Variants in GRK3 observed in about 807,000 individuals in gnomAD.
The protein encoded by GRK3 is G protein-coupled receptor kinase 3.
In GRK3, 54 loss-of-function variants were observed where a neutral mutation model predicts 95.7. That is an observed-to-expected ratio of 0.56 (90% confidence interval 0.45 to 0.71). The LOEUF (loss-of-function observed/expected upper bound fraction) is 0.71. GRK3 is among the 30% of genes least tolerant of loss of function. GRK3 has a pLI of 0.00. For synonymous variants in GRK3, 281 were observed against 290.8 expected (o/e 0.97, Z 0.34); for missense variants, 649 against 851.2 (o/e 0.76, Z 2.96).
chr22:25,704,176 A>C lies in GRK3; in HGVS notation c.1295A>C (p.Asp432Ala). 6.2e-7 allele frequency: 1 copy of C among 1,613,548 alleles called. No homozygotes were observed. The highest frequency in any genetic ancestry group is 1.1e-5 in the South Asian group (1 of 91,016). Reference protein sequence around the residue: ...KSLLEGLLQRDVSKRLGCHGG... With the variant: ...KSLLEGLLQRAVSKRLGCHGG... Reference sequence around the variant, plus strand: ...CTTTTGGAGGGCTTGCTTCAGCGAGACGTTAGCAAGCGGCTGGGCTGTCAC... The same window carrying C: ...CTTTTGGAGGGCTTGCTTCAGCGAGCCGTTAGCAAGCGGCTGGGCTGTCAC... The change falls in exon 15 of 21, where the codon GAC becomes GCC. Residue 432 changes from aspartate (D) to alanine (A), a missense_variant. Physicochemically the swap from Asp to Ala is moderately radical, Grantham distance 126. Coordinates refer to ENST00000324198, the MANE Select transcript of GRK3 (RefSeq NM_005160.4).
intron 3 of GRK3, 72 bp from the exon 4 acceptor site, chr22:25,661,504 C>T (rs2084909199): frequency 3.2e-6 from 3 of 942,662 alleles, no homozygotes; most frequent in Non-Finnish European, 4.9e-6. Context: ...TCTGCCTGGG[C>T]CAGTAATATA....
intron 1 of GRK3, among the ~76,000 whole-genome samples, chr22:25,595,392 G>A (rs770334478): frequency 6.6e-6 from 1 of 152,150 alleles, no homozygotes; most frequent in Non-Finnish European, 1.5e-5. Flanking sequence ...TTAAAATGCA[G>A]TCCCATTTAC....
intron 1 of GRK3, among the ~76,000 whole-genome samples, chr22:25,590,308 ATT>A (rs377002592): frequency 0.038 from 5,595 of 147,472 alleles, 201 homozygotes; most frequent in African/African-American, 0.087. Flanking sequence ...TCATTTCTCT[ATT>A]TTTTTTTTTA....
intron 1 of GRK3, among the ~76,000 whole-genome samples, chr22:25,595,257 C>T (rs1335526044): frequency 6.6e-6 from 1 of 151,816 alleles, no homozygotes; most frequent in Non-Finnish European, 1.5e-5. Context: ...CCGAGAAAAC[C>T]CTAAAGACTC....
intron 6 of GRK3, among the ~76,000 whole-genome samples, chr22:25,668,658 T>C (rs1008070404): frequency 2.8e-4 from 43 of 152,316 alleles, no homozygotes; most frequent in Admixed American, 1.2e-3. Context: ...AGCAGGAACT[T>C]TGCCAAAAAG....
intron 11 of GRK3, among the ~76,000 whole-genome samples, chr22:25,689,589 G>T (rs2085149087): frequency 6.6e-6 from 1 of 152,138 alleles, no homozygotes; most frequent in Non-Finnish European, 1.5e-5. Context: ...TAATCTTCAT[G>T]GATACATTTC....
At chr22:25,638,062 C>T (rs1407126679) in intron 2 of GRK3, among the ~76,000 whole-genome samples, 3 of 152,202 alleles carry the variant, frequency 2.0e-5, no homozygotes, top group Non-Finnish European at 4.4e-5. Flanking sequence ...ATCACACATC[C>T]ACCCCTTGTC....
intron 1 of GRK3, among the ~76,000 whole-genome samples, chr22:25,600,059 A>G (rs1368667516): frequency 6.6e-6 from 1 of 152,062 alleles, no homozygotes; most frequent in Non-Finnish European, 1.5e-5. Context: ...ATTAAAAGAG[A>G]TCATCAGGTA....
rs536643958 is a variant in GRK3, at chr22:25,617,710, G to A, written c.190+13257G>A. 7.9e-5 allele frequency among the ~76,000 whole-genome samples: 12 copies of A among 152,284 alleles called. No individual in the cohort carries two copies. In the East Asian group the frequency reaches 2.1e-3, roughly 27 times the overall value. On this transcript the variant is annotated intron_variant, in intron 2 of 20. Coordinates refer to ENST00000324198, the MANE Select transcript of GRK3 (RefSeq NM_005160.4). ...ATTCAAACAGTACATGCTCTTTTGT[G>A]TCTGATTTATGTGGCTCAGCATAAT...
intron 1 of GRK3, among the ~76,000 whole-genome samples, chr22:25,590,944 G>A (rs368380503): frequency 1.6e-4 from 25 of 152,228 alleles, no homozygotes; most frequent in African/African-American, 5.3e-4. Context: ...GATAATGAAC[G>A]TCTCAATTGT....
intron 2 of GRK3, among the ~76,000 whole-genome samples, chr22:25,626,471 G>C (rs1288770191): frequency 6.6e-6 from 1 of 152,142 alleles, no homozygotes; most frequent in South Asian, 2.1e-4. Flanking sequence ...CTTCATTTCC[G>C]CAAGAGATAT....
At chr22:25,688,545 G>T (rs149223434) in intron 11 of GRK3, among the ~76,000 whole-genome samples, 31 of 152,316 alleles carry the variant, frequency 2.0e-4, no homozygotes, top group African/African-American at 7.2e-4. Flanking sequence ...TTTTGAGATT[G>T]CCTTAAAAAT....
chr22:25,678,717 G>A (rs2085051742), intron 8 of GRK3, 99 bp from the exon 9 acceptor site: 1 of 603,748 alleles, frequency 1.7e-6, no homozygotes, highest in South Asian at 2.9e-5. Flanking sequence ...TTTAAACATG[G>A]CCTAAATGTT....
At chr22:25,649,189 A>G (rs1278373958) in intron 3 of GRK3, 7 of 1,342,854 alleles carry the variant, frequency 5.2e-6, no homozygotes, top group Non-Finnish European at 6.4e-6. Flanking sequence ...TTGGGAGACT[A>G]CTTCACTGCT....
rs2073612986 is a variant in GRK3 at position 25,649,185 on chromosome 22, G to C, written c.264+4520G>C. The stretch of plus-strand genomic sequence containing the variant: ...TGAATATGTTCAGTCCTTCTTGGGA[G>C]ACTACTTCACTGCTACAGAGCCATA... On this transcript the variant is annotated intron_variant, in intron 3 of 20. Coordinates refer to ENST00000324198, the MANE Select transcript of GRK3 (RefSeq NM_005160.4). 3.7e-6 allele frequency: 5 copies of C among 1,352,756 alleles called. No homozygotes were observed. The Admixed American group carries it at 8.4e-5, about 23-fold the overall frequency. 83.8% of individuals were successfully genotyped at this position (1,352,756 alleles called of 1,614,324 possible).
intron 12 of GRK3, 91 bp downstream of exon 12, chr22:25,690,374 G>C (rs2085155934): frequency 1.1e-6 from 1 of 918,320 alleles, no homozygotes; most frequent in South Asian, 1.5e-5. Flanking sequence ...CTTACCAGTG[G>C]TGATTTTCAA....
intron 5 of GRK3, among the ~76,000 whole-genome samples, chr22:25,664,339 G>C (rs2084927724): frequency 6.6e-6 from 1 of 151,940 alleles, no homozygotes; most frequent in Non-Finnish European, 1.5e-5. Context: ...AGGTGGCAGT[G>C]GTTTACAAGG....
intron 13 of GRK3, among the ~76,000 whole-genome samples, chr22:25,697,985 A>G (rs541044740): frequency 6.6e-6 from 1 of 152,162 alleles, no homozygotes; most frequent in South Asian, 2.1e-4. Context: ...TTTAAATTAA[A>G]TGTGATAAGC....
intron 3 of GRK3, chr22:25,648,981 A>G (rs2084808302): frequency 2.9e-6 from 3 of 1,036,808 alleles, no homozygotes; most frequent in Non-Finnish European, 4.6e-6. Flanking sequence ...CTCATTTGGA[A>G]TTCTACAGAC....
Sources: allele counts gnomAD v4.1 joint callset (sites outside exome capture counted in the v4.1 genomes callset), GRCh38; gene constraint gnomAD v4.1.1; transcripts MANE v1.5; gene names NCBI Gene and HGNC (gene_info 2026-07-23, HGNC 2026-07-21).